LAMTOR4: variants seen among roughly 807,000 people sequenced by gnomAD.
LAMTOR4 encodes ragulator complex protein LAMTOR4.
In LAMTOR4, 11 loss-of-function variants were observed where a neutral mutation model predicts 13.5. The ratio of observed to expected loss-of-function variants is 0.82; its 90% CI spans 0.51 to 1.35. LAMTOR4 has a LOEUF of 1.35. Ranked by LOEUF, LAMTOR4 falls within the 40% of genes most tolerant of loss-of-function variation. LAMTOR4 has a pLI of 0.00. For synonymous variants in LAMTOR4, 69 were observed against 52.3 expected (o/e 1.32, Z -1.38); for missense variants, 128 against 126.2 (o/e 1.01, Z -0.07).
intron 2 of LAMTOR4, among the ~76,000 whole-genome samples, chr7:100,151,496 C>G (rs1009640551): frequency 2.0e-5 from 3 of 151,518 alleles, no homozygotes; most frequent in Non-Finnish European, 4.4e-5. Context: ...TCACGCCATT[C>G]TCCTGCCTCA....
At chr7:100,153,763 C>T (rs2116952333) in intron 3 of LAMTOR4, 104 bp from the exon 4 acceptor site, 8 of 860,176 alleles carry the variant, frequency 9.3e-6, no homozygotes, top group Non-Finnish European at 1.5e-5. Context: ...GGCTTTGATC[C>T]CAGCCAATGT....
At chr7:100,149,817 C>T in intron 2 of LAMTOR4, 1 of 401,732 alleles carries the variant, frequency 2.5e-6, no homozygotes, top group Non-Finnish European at 4.7e-6. Flanking sequence ...TTCTTGTTGC[C>T]CAAGCTGGAG....
intron 2 of LAMTOR4, among the ~76,000 whole-genome samples, chr7:100,152,067 G>A (rs1441435857): frequency 1.3e-5 from 2 of 152,126 alleles, no homozygotes; most frequent in Non-Finnish European, 2.9e-5. Flanking sequence ...AGGTAATAGA[G>A]GAAATATTTC....
chr7:100,153,295 A>C (rs975063244), intron 2 of LAMTOR4, 105 bp from the exon 3 acceptor site: 3 of 793,734 alleles, frequency 3.8e-6, no homozygotes, highest in African/African-American at 3.4e-5. Context: ...TGGCAAGCCA[A>C]GGGGGAGAGG....
At chr7:100,151,475 G>A (rs1396580098) in intron 2 of LAMTOR4, among the ~76,000 whole-genome samples, 20 of 151,628 alleles carry the variant, frequency 1.3e-4, no homozygotes, top group African/African-American at 4.6e-4. Context: ...TGCAAGCTCC[G>A]CCTCCCGGGT....
intron 2 of LAMTOR4, among the ~76,000 whole-genome samples, chr7:100,151,356 C>CTGGG (rs1327618135): frequency 6.6e-6 from 1 of 150,574 alleles, no homozygotes; most frequent in Non-Finnish European, 1.5e-5. Flanking sequence ...GGATTACAGG[C>CTGGG]ATAAGCCACT....
chr7:100,152,590 A>C (rs1798738230), intron 2 of LAMTOR4: 1 of 152,234 alleles, frequency 6.6e-6, no homozygotes, highest in African/African-American at 2.4e-5. Context: ...AAGAGGGAAG[A>C]GGAAGTTGAG....
rs940683416 is a variant in LAMTOR4, at chr7:100,149,409, T to C, written c.4-90T>C. 5.6e-6 allele frequency: 5 copies of C among 893,172 alleles called. No homozygotes were observed. In the African/African-American group the frequency reaches 6.5e-5, roughly 12 times the overall value. The allele number at this position is 893,172 out of a possible 1,614,324, so 55.3% of individuals were successfully genotyped here. On this transcript the variant is annotated intron_variant, in intron 1 of 3. Transcript: ENST00000341942. ...GGAATGAGAAAACCTGGGGCCATCG[T>C]CAACCCAGAGACTTGGGTTTGCAGG...
rs1489338907 is a variant in LAMTOR4, at chr7:100,153,268, T to C, written c.85-132T>C. 37 of 688,174 alleles carry C rather than the reference T, an allele frequency of 5.4e-5. No homozygotes were observed. The East Asian group carries it at 8.7e-4, about 16-fold the overall frequency. The allele number at this position is 688,174 out of a possible 1,614,324, so 42.6% of individuals were successfully genotyped here. A position where few individuals can be genotyped will look rare whatever the true frequency, so the allele number is the denominator to read the frequency against. ...AGGGGGAGATTTCAGGTTGTTTTTT[T>C]CCAAAGCTGAGGGTACTGGCAAGCC... On this transcript the variant is annotated intron_variant, in intron 2 of 3. Transcript: ENST00000341942.
chr7:100,149,522 G>T lies in LAMTOR4; in HGVS notation c.27G>T (p.Leu9=), dbSNP rs1361981524. 5.0e-6 allele frequency: 8 copies of T among 1,613,910 alleles called. No individual in the cohort carries two copies. The East Asian group carries it at 1.8e-4, about 36-fold the overall frequency. The change falls in exon 2 of 4, where the codon CTG becomes CTT. Residue 9 remains leucine, a synonymous_variant. Transcript: ENST00000341942. MTSALTQG[L]ERIPDQLGYL... ...AGACTTCTGCGCTGACCCAGGGGCT[G>T]GAGCGAATCCCAGACCAGCTCGGCT...
At chr7:100,153,779 T>C (rs1389225384) in intron 3 of LAMTOR4, 88 bp from the exon 4 acceptor site, 12 of 940,746 alleles carry the variant, frequency 1.3e-5, no homozygotes, top group Non-Finnish European at 2.0e-5. Flanking sequence ...AATGTGCGTG[T>C]GGCCCCGCCC....
rs71939843 is a variant in LAMTOR4, at chr7:100,152,404, A to AAAACAAAC, written c.85-986_85-979dup. The stretch of plus-strand genomic sequence containing the variant: ...GTGATAGAGTGAGACTCTGTCTCAA[A>AAAACAAAC]AAACAAACAAACAAACAGGAAATCA... On this transcript the variant is annotated intron_variant, in intron 2 of 3. Transcript: ENST00000341942. Among the ~76,000 whole-genome samples, 241 of 151,368 alleles carry AAAACAAAC rather than the reference A, an allele frequency of 1.6e-3. 1 individual carries two copies. Among genetic ancestry groups the AAAACAAAC allele is most frequent in the Middle Eastern group, 3.4e-3 (1 of 294 alleles).
rs550685898 is a variant in LAMTOR4, at chr7:100,153,383, C to G, written c.85-17C>G. 3.8e-6 allele frequency: 6 copies of G among 1,571,520 alleles called. No homozygotes were observed. The African/African-American group carries it at 4.0e-5, about 11-fold the overall frequency. ...TGCCGTAATGCCCGCCCCTCTCCCT[C>G]CTCCGTCTGCATGCAGTCATCTGGG... On this transcript the variant is annotated splice_polypyrimidine_tract_variant and intron_variant, in intron 2 of 3. Coordinates refer to ENST00000341942, the MANE Select transcript of LAMTOR4 (RefSeq NM_001008395.4).
chr7:100,152,454 G>T (rs1798734051), intron 2 of LAMTOR4, among the ~76,000 whole-genome samples: 1 of 152,112 alleles, frequency 6.6e-6, no homozygotes, highest in African/African-American at 2.4e-5. Flanking sequence ...TTGGGAAGGA[G>T]GTGGATAAGG....
intron 2 of LAMTOR4, 121 bp downstream of exon 2, chr7:100,149,700 C>T: frequency 1.4e-6 from 1 of 728,708 alleles, no homozygotes. Context: ...TAGGTTGGTA[C>T]AAAAGTATTT....
intron 2 of LAMTOR4, chr7:100,152,677 G>A (rs1397365972): frequency 6.6e-6 from 1 of 152,266 alleles, no homozygotes; most frequent in Non-Finnish European, 1.5e-5. Flanking sequence ...AGGTATTCAA[G>A]GACAAAGGGA....
chr7:100,153,279 G>C, intron 2 of LAMTOR4, 121 bp from the exon 3 acceptor site: 1 of 711,038 alleles, frequency 1.4e-6, no homozygotes, highest in East Asian at 2.5e-5. Context: ...CCAAAGCTGA[G>C]GGTACTGGCA....
Position 100,149,525 on chromosome 7 carries a change from G to T in LAMTOR4, c.30G>T (p.Glu10Asp). 6.2e-7 allele frequency: 1 copy of T among 1,613,946 alleles called. No homozygotes were observed. The highest frequency in any genetic ancestry group is 1.1e-5 in the South Asian group (1 of 91,080). Residue 10 changes from glutamate to aspartate, a missense_variant, in exon 2 of 4, where the codon GAG becomes GAT. Transcript: ENST00000341942. MTSALTQGL[E>D]RIPDQLGYLV... ...CTTCTGCGCTGACCCAGGGGCTGGA[G>T]CGAATCCCAGACCAGCTCGGCTACC...
At chr7:100,149,197 C>G (rs1456427859) in intron 1 of LAMTOR4, 3 of 633,008 alleles carry the variant, frequency 4.7e-6, no homozygotes, top group Non-Finnish European at 8.1e-6. Context: ...CGGGCGGAGA[C>G]GAAGGGAGGT....
Sources: allele counts gnomAD v4.1 joint callset (sites outside exome capture counted in the v4.1 genomes callset), GRCh38; gene constraint gnomAD v4.1.1; transcripts MANE v1.5; gene names NCBI Gene and HGNC (gene_info 2026-07-23, HGNC 2026-07-21).